The following USP13 variants were observed in gnomAD, a reference collection of about 807,000 sequenced individuals.
The protein encoded by USP13 is ubiquitin carboxyl-terminal hydrolase 13.
A neutral mutation model predicts 107.8 loss-of-function variants in USP13; 68 were observed. The observed-to-expected ratio is 0.63, with a 90% CI of 0.52 to 0.77. USP13 has a LOEUF of 0.77. Among genes scored for constraint, USP13 ranks in the 30% least tolerant of loss-of-function variants. USP13 has a pLI of 0.00. For missense variants in USP13, 945 were observed against 1,093.3 expected (o/e 0.86, Z 1.91); for synonymous variants, 377 against 389.5 (o/e 0.97, Z 0.38).
intron 2 of USP13, among the ~76,000 whole-genome samples, chr3:179,686,441 G>T (rs1711875920): frequency 6.6e-6 from 1 of 152,120 alleles, no homozygotes; most frequent in Non-Finnish European, 1.5e-5. Context: ...AATTAGCCTG[G>T]AATGGTGGCG....
At chr3:179,749,716 A>G (rs926588394) in intron 13 of USP13, among the ~76,000 whole-genome samples, 2 of 152,184 alleles carry the variant, frequency 1.3e-5, no homozygotes, top group African/African-American at 4.8e-5. Flanking sequence ...ATTGGCGGCT[A>G]CCTATAACAC....
chr3:179,685,151 T>C (rs1365178602), intron 2 of USP13, among the ~76,000 whole-genome samples: 2 of 148,646 alleles, frequency 1.3e-5, no homozygotes, highest in African/African-American at 2.5e-5. Flanking sequence ...ATAAAGGAAC[T>C]CATATTTTGT....
At chr3:179,781,339 A>AT (rs374574305) in intron 19 of USP13, among the ~76,000 whole-genome samples, 17 of 148,198 alleles carry the variant, frequency 1.1e-4, no homozygotes, top group East Asian at 2.0e-4. Context: ...AAGTGGGTGG[A>AT]TTTTTTTTTT....
intron 14 of USP13, among the ~76,000 whole-genome samples, chr3:179,754,061 GTTGCAAACTCAAATGCC>G (rs773060982): frequency 5.9e-4 from 90 of 152,304 alleles, no homozygotes; most frequent in South Asian, 1.2e-3. Context: ...ATCAAATGGG[GTTGCAAACTCAAATGCC>G]TAACAAGGAC....
At chr3:179,713,993 T>C (rs1028329482) in intron 6 of USP13, among the ~76,000 whole-genome samples, 1 of 152,250 alleles carries the variant, frequency 6.6e-6, no homozygotes, top group Non-Finnish European at 1.5e-5. Flanking sequence ...TGGGTCCCCA[T>C]GGGTACAGCA....
intron 17 of USP13, 129 bp downstream of exon 17, chr3:179,761,384 G>C: frequency 2.5e-6 from 3 of 1,221,002 alleles, no homozygotes; most frequent in South Asian, 1.7e-5. Flanking sequence ...ATCTCCTGCA[G>C]TGGAGGAGAA....
At chr3:179,704,218 G>C (rs1190022367) in intron 4 of USP13, among the ~76,000 whole-genome samples, 1 of 152,074 alleles carries the variant, frequency 6.6e-6, no homozygotes, top group East Asian at 1.9e-4. Flanking sequence ...ATGTTTTGTT[G>C]GTTGTCACCC....
intron 6 of USP13, among the ~76,000 whole-genome samples, chr3:179,718,258 T>G (rs1270564888): frequency 6.7e-6 from 1 of 149,472 alleles, no homozygotes; most frequent in Non-Finnish European, 1.5e-5. Context: ...ATACATACAT[T>G]TTTTTCTTTT....
intron 1 of USP13, among the ~76,000 whole-genome samples, chr3:179,672,756 G>A (rs914717949): frequency 6.6e-6 from 1 of 152,194 alleles, no homozygotes; most frequent in Admixed American, 6.5e-5. Context: ...GGCTGGAGAA[G>A]TTGTCAAGGG....
Position 179,725,267 on chromosome 3 carries a change from G to A in USP13, c.1088+3678G>A, listed in dbSNP as rs1002245259. Among the ~76,000 whole-genome samples the A allele has an allele frequency of 1.6e-4, 25 of 152,044 alleles. 1 individual carries two copies. The highest frequency in any genetic ancestry group is 3.9e-4 in the Admixed American group (6 of 15,260). ...CTATCTATCTTGCCTTAAAGCATAA[G>A]CCTATTCATTAGTGTTCATCTTTCC... is the stretch of plus-strand genomic sequence containing the variant. On this transcript the variant is annotated intron_variant, in intron 8 of 20. Coordinates refer to ENST00000263966, the MANE Select transcript of USP13 (RefSeq NM_003940.3).
chr3:179,710,095 TC>T (rs1712868388), intron 6 of USP13, among the ~76,000 whole-genome samples: 1 of 152,202 alleles, frequency 6.6e-6, no homozygotes, highest in African/African-American at 2.4e-5. Flanking sequence ...TTATTTTAAC[TC>T]ATTAAAGACA....
chr3:179,750,326 G>GTGTGTGTATATATATATATATA lies in USP13; in HGVS notation c.1710-1958_1710-1957insGTGTGTATATATATATATATAT, dbSNP rs1553797370. 4.0e-5 allele frequency among the ~76,000 whole-genome samples: 3 copies of GTGTGTGTATATATATATATATA among 75,826 alleles called. No individual in the cohort carries two copies. The East Asian group carries it at 2.3e-3, about 58-fold the overall frequency. The allele number at this position is 75,826 out of a possible 152,430, so 49.7% of individuals were successfully genotyped here. A position where few individuals can be genotyped will look rare whatever the true frequency, so the allele number is the denominator to read the frequency against. ...TGTGTATATATATATATATATGTGT[G>GTGTGTGTATATATATATATATA]TATATATATATATATATATGTATAT... is the stretch of plus-strand genomic sequence containing the variant. On this transcript the variant is annotated intron_variant, in intron 13 of 20. Transcript: ENST00000263966.
At chr3:179,756,602 T>C (rs1211721931) in intron 15 of USP13, among the ~76,000 whole-genome samples, 1 of 151,576 alleles carries the variant, frequency 6.6e-6, no homozygotes, top group Non-Finnish European at 1.5e-5. Context: ...AATTTAAAAG[T>C]TTGCCAGGCG....
intron 6 of USP13, among the ~76,000 whole-genome samples, chr3:179,718,867 C>T (rs1306505394): frequency 6.6e-6 from 1 of 152,102 alleles, no homozygotes; most frequent in Non-Finnish European, 1.5e-5. Flanking sequence ...CGCCATTCTC[C>T]TGCCTCAGCC....
intron 1 of USP13, among the ~76,000 whole-genome samples, chr3:179,664,383 C>T (rs929504762): frequency 3.3e-5 from 5 of 152,134 alleles, no homozygotes; most frequent in South Asian, 2.1e-4. Context: ...CATGAGCCAC[C>T]GCACCCAGCC....
chr3:179,750,296 ATGTG>A (rs777649212), intron 13 of USP13, among the ~76,000 whole-genome samples: 2 of 128,244 alleles, frequency 1.6e-5, no homozygotes, highest in South Asian at 2.4e-4. Flanking sequence ...AAATATATAT[ATGTG>A]TGTGTATATA....
intron 3 of USP13, among the ~76,000 whole-genome samples, chr3:179,699,987 T>C (rs940015917): frequency 6.6e-6 from 1 of 152,078 alleles, no homozygotes; most frequent in Non-Finnish European, 1.5e-5. Flanking sequence ...GGCCTGTTCA[T>C]GTGTAGGTTT....
intron 3 of USP13, among the ~76,000 whole-genome samples, chr3:179,700,278 C>T (rs1386396385): frequency 1.3e-5 from 2 of 152,132 alleles, no homozygotes; most frequent in Non-Finnish European, 2.9e-5. Context: ...ATAGGGCTTC[C>T]ACCTCGGATC....
At chr3:179,706,352 G>A (rs2108480361) in intron 4 of USP13, among the ~76,000 whole-genome samples, 1 of 152,338 alleles carries the variant, frequency 6.6e-6, no homozygotes, top group Non-Finnish European at 1.5e-5. Flanking sequence ...CCTGTGGTCA[G>A]TTGGTGCCGA....
Sources: allele counts gnomAD v4.1 joint callset (sites outside exome capture counted in the v4.1 genomes callset), GRCh38; gene constraint gnomAD v4.1.1; transcripts MANE v1.5; gene names NCBI Gene and HGNC (gene_info 2026-07-23, HGNC 2026-07-21).